Variants in PCDHA11 observed in about 807,000 individuals in gnomAD.
The protein encoded by PCDHA11 is protocadherin alpha 11.
A neutral mutation model predicts 70.3 loss-of-function variants in PCDHA11; 61 were observed. The observed-to-expected ratio is 0.87, with a 90% confidence interval of 0.71 to 1.07. The LOEUF is 1.07. Among genes scored for constraint, PCDHA11 ranks in the 50% least tolerant of loss-of-function variants. PCDHA11 has a pLI of 0.00. For missense variants in PCDHA11, 1,324 were observed against 1,237.5 expected, an observed-to-expected ratio of 1.07 and a Z score of -1.05; for synonymous variants, 633 against 555.1, an observed-to-expected ratio of 1.14 and a Z score of -1.97.
chr5:140,883,972 C>T (rs781784485), intron 1 of PCDHA11: 2 of 1,612,972 alleles, frequency 1.2e-6, no homozygotes, highest in Non-Finnish European at 8.5e-7. Context: ...TGCTGACGCC[C>T]GGGGCTGGCA....
intron 1 of PCDHA11, among the ~76,000 whole-genome samples, chr5:140,885,818 G>C (rs2060726718): frequency 6.6e-6 from 1 of 151,914 alleles, no homozygotes; most frequent in African/African-American, 2.4e-5. Flanking sequence ...ATTTGTATTT[G>C]ATCTTCTTTG....
chr5:140,876,787 G>A, intron 1 of PCDHA11: 1 of 1,614,228 alleles, frequency 6.2e-7, no homozygotes, highest in Non-Finnish European at 8.5e-7. Context: ...GTGGGCCACG[G>A]CTAGAGTGTC....
At position 140,871,369 on chromosome 5, in the gene PCDHA11, A is replaced by G; in HGVS notation, c.2266A>G (p.Arg756Gly). Residue 756 changes from arginine (R) to glycine (G), a missense_variant, in exon 1 of 4, where the codon AGG becomes GGG. Transcript: ENST00000398640. ...GTCATACTCGCAGCAGAGGCGGCAG[A>G]GGGTGTGCTCTGAGGAGGGCCCACC... ...SWSYSQQRRQ[R>G]VCSEEGPPKT... 1 of 1,614,218 alleles carries G rather than the reference A, an allele frequency of 6.2e-7. No homozygotes were observed.
chr5:140,986,371 G>T (rs1453761888), intron 3 of PCDHA11, among the ~76,000 whole-genome samples: 2 of 152,116 alleles, frequency 1.3e-5, no homozygotes, highest in African/African-American at 2.4e-5. Flanking sequence ...AATGCGTTTT[G>T]GGGGGAGGGA....
intron 1 of PCDHA11, among the ~76,000 whole-genome samples, chr5:140,964,650 TG>T (rs1554227136): frequency 6.6e-6 from 1 of 151,800 alleles, no homozygotes; most frequent in Non-Finnish European, 1.5e-5. Flanking sequence ...AAACAAGTAA[TG>T]GGTGAGGACA....
intron 2 of PCDHA11, among the ~76,000 whole-genome samples, chr5:140,981,839 A>T (rs950232298): frequency 6.6e-6 from 1 of 152,116 alleles, no homozygotes; most frequent in Non-Finnish European, 1.5e-5. Flanking sequence ...AAGGTCTCCC[A>T]GTTTGTATCT....
rs530490517 is a variant in PCDHA11, at chr5:140,869,476, G to T, written c.373G>T (p.Asp125Tyr). Residue 125 changes from aspartate (D) to tyrosine (Y), a missense_variant, in exon 1 of 4, where the codon GAC becomes TAC. Physicochemically the swap from Asp to Tyr is radical, Grantham distance 160 (BLOSUM62 -3). Transcript: ENST00000398640. ...TTTCCATGTGAACGTGGAGGTGAAG[G>T]ACATTAACGACAACCCGCCGGTGTT... is the stretch of plus-strand genomic sequence containing the variant. ...QVFHVNVEVK[D>Y]INDNPPVFSL... is the part of the protein sequence containing the mutation. The T allele has an allele frequency of 6.2e-7, 1 of 1,614,194 alleles. No homozygotes were observed. The highest frequency in any genetic ancestry group is 1.3e-5 in the African/African-American group (1 of 75,064).
chr5:140,998,781 C>G (rs1554256464), intron 3 of PCDHA11, among the ~76,000 whole-genome samples: 1 of 152,162 alleles, frequency 6.6e-6, no homozygotes, highest in East Asian at 1.9e-4. Context: ...TCAGGCTGGT[C>G]TGGAACCCCT....
chr5:140,988,574 T>C (rs538316418), intron 3 of PCDHA11, among the ~76,000 whole-genome samples: 1 of 152,342 alleles, frequency 6.6e-6, no homozygotes, highest in East Asian at 1.9e-4. Context: ...GAAAACACTC[T>C]GTACCTTCCA....
At chr5:140,958,400 A>G (rs1236102640) in intron 1 of PCDHA11, among the ~76,000 whole-genome samples, 1 of 152,196 alleles carries the variant, frequency 6.6e-6, no homozygotes, top group African/African-American at 2.4e-5. Context: ...ATCAAACATT[A>G]TCACTGATGC....
chr5:140,985,759 T>TTTTA (rs2097169056), intron 3 of PCDHA11, among the ~76,000 whole-genome samples: 2 of 149,086 alleles, frequency 1.3e-5, no homozygotes, highest in East Asian at 2.0e-4. Context: ...TTTTTTTTTT[T>TTTTA]GAGACAGTCT....
intron 3 of PCDHA11, among the ~76,000 whole-genome samples, chr5:140,986,392 C>T (rs1331552974): frequency 1.3e-5 from 2 of 152,162 alleles, no homozygotes; most frequent in South Asian, 2.1e-4. Context: ...CATTAAAGGG[C>T]CAGTCGCTCA....
At chr5:140,945,569 A>C (rs575302416) in intron 1 of PCDHA11, among the ~76,000 whole-genome samples, 2 of 152,256 alleles carry the variant, frequency 1.3e-5, no homozygotes, top group South Asian at 4.1e-4. Context: ...ACATCATACT[A>C]CCTGGCTTCA....
At chr5:140,971,038 A>G (rs948457676) in intron 1 of PCDHA11, among the ~76,000 whole-genome samples, 4 of 152,216 alleles carry the variant, frequency 2.6e-5, no homozygotes, top group Non-Finnish European at 5.9e-5. Context: ...GAAAGCACGT[A>G]AAAGGGTTTA....
chr5:140,889,541 ATTTAC>A (rs1434823292), intron 1 of PCDHA11, among the ~76,000 whole-genome samples: 9 of 151,878 alleles, frequency 5.9e-5, no homozygotes, highest in African/African-American at 2.2e-4. Context: ...TTCCTGTCTA[ATTTAC>A]TTTTCTTCAG....
intron 1 of PCDHA11, among the ~76,000 whole-genome samples, chr5:140,955,351 A>G (rs246019): frequency 0.56 from 85,599 of 151,868 alleles, 24,746 homozygotes; most frequent in African/African-American, 0.69. Flanking sequence ...ACATGTTGTG[A>G]GAGGGACCCA....
chr5:140,968,506 G>T (rs781902536), intron 1 of PCDHA11: 2 of 1,614,176 alleles, frequency 1.2e-6, no homozygotes, highest in South Asian at 2.2e-5. Context: ...CTCACATTCT[G>T]TACCCTACCT....
At chr5:140,961,548 TTC>T (rs1261051270) in intron 1 of PCDHA11, among the ~76,000 whole-genome samples, 4 of 152,230 alleles carry the variant, frequency 2.6e-5, no homozygotes, top group African/African-American at 9.6e-5. Context: ...CCTGCAGCAT[TTC>T]TTTTTTTAAA....
intron 1 of PCDHA11, among the ~76,000 whole-genome samples, chr5:140,925,505 C>A (rs528944783): frequency 6.6e-5 from 10 of 152,052 alleles, no homozygotes; most frequent in African/African-American, 2.2e-4. Flanking sequence ...CCAATATCCA[C>A]GCAAAAGACC....
Sources: gnomAD v4.1 joint callset for allele counts (sites outside exome capture counted in the v4.1 genomes callset) on GRCh38, gnomAD v4.1.1 for gene constraint, MANE v1.5 for transcripts, NCBI Gene and HGNC (gene_info 2026-07-23, HGNC 2026-07-21) for gene names.